Variants in DNAH11 observed in about 807,000 individuals in gnomAD.
DNAH11 encodes the protein dynein axonemal heavy chain 11, also known as axonemal beta dynein heavy chain 11.
In DNAH11, 442 loss-of-function variants were observed where a neutral mutation model predicts 526.0. The observed-to-expected ratio is 0.84, with a 90% CI of 0.78 to 0.91. The LOEUF is 0.91. DNAH11 is among the 40% of genes least tolerant of loss of function. The pLI, the probability that DNAH11 is intolerant of heterozygous loss-of-function variation, is 0.00. For missense variants in DNAH11, 6,989 were observed against 5,448.7 expected (o/e 1.28, Z -8.90); for synonymous variants, 2,461 against 1,935.9 (o/e 1.27, Z -7.12).
At chr7:21,754,572 C>G (rs188724459) in intron 54 of DNAH11, among the ~76,000 whole-genome samples, 4 of 151,654 alleles carry the variant, frequency 2.6e-5, no homozygotes, top group Admixed American at 6.6e-5. Context: ...TTTCCCCCCC[C>G]ACCCCATCAT....
chr7:21,732,654 A>T (rs903722372), intron 45 of DNAH11, among the ~76,000 whole-genome samples: 2 of 152,228 alleles, frequency 1.3e-5, no homozygotes, highest in Admixed American at 6.5e-5. Flanking sequence ...CAAACAAGGA[A>T]TTCAGAAGTC....
chr7:21,645,575 C>T (rs764631173), intron 28 of DNAH11, among the ~76,000 whole-genome samples: 4 of 151,772 alleles, frequency 2.6e-5, no homozygotes, highest in Non-Finnish European at 4.4e-5. Context: ...GAACTCAGGC[C>T]CCATTAAGGA....
chr7:21,770,552 A>G (rs1011883822), intron 55 of DNAH11, among the ~76,000 whole-genome samples: 1 of 152,170 alleles, frequency 6.6e-6, no homozygotes, highest in Non-Finnish European at 1.5e-5. Flanking sequence ...CAGCCTCATG[A>G]GGAGGGACCA....
At chr7:21,736,404 C>T (rs369278299) in intron 46 of DNAH11, among the ~76,000 whole-genome samples, 86 of 152,098 alleles carry the variant, frequency 5.7e-4, no homozygotes, top group Non-Finnish European at 2.6e-4. Flanking sequence ...AGGAAATCAC[C>T]GAAAGAGCTG....
chr7:21,660,520 TTTG>T (rs1427053889), intron 30 of DNAH11, among the ~76,000 whole-genome samples: 4 of 151,800 alleles, frequency 2.6e-5, no homozygotes, highest in African/African-American at 7.3e-5. Context: ...TTTTTATTTC[TTTG>T]TTATTTTTTG....
intron 1 of DNAH11, 81 bp downstream of exon 1, chr7:21,543,677 C>T (rs1782679010): frequency 1.4e-6 from 2 of 1,446,876 alleles, no homozygotes; most frequent in Admixed American, 2.5e-5. Context: ...CCTTTGGATT[C>T]CCGCGGGGCG....
At chr7:21,725,134 C>T (rs1785047245) in intron 44 of DNAH11, among the ~76,000 whole-genome samples, 1 of 152,316 alleles carries the variant, frequency 6.6e-6, no homozygotes, top group African/African-American at 2.4e-5. Context: ...GAGCCTGTTC[C>T]TTGCCAATAT....
At chr7:21,758,880 A>G (rs189087273) in intron 54 of DNAH11, among the ~76,000 whole-genome samples, 3 of 152,292 alleles carry the variant, frequency 2.0e-5, no homozygotes, top group Admixed American at 2.0e-4. Flanking sequence ...GCAATGGTGC[A>G]TGTGTGTAGA....
rs554029449 is a variant in DNAH11 at position 21,668,427 on chromosome 7, G to C, written c.5328+9396G>C. Reference sequence around the variant, plus strand: ...TCCAGAATGTTTCTCTTGTAACACAGCTCATTGCATGTGCTAGCCCTCTTT... The same window carrying C: ...TCCAGAATGTTTCTCTTGTAACACACCTCATTGCATGTGCTAGCCCTCTTT... On this transcript the variant is annotated intron_variant, in intron 30 of 81. Coordinates refer to ENST00000409508, the MANE Select transcript of DNAH11 (RefSeq NM_001277115.2). 3.9e-5 allele frequency among the ~76,000 whole-genome samples: 6 copies of C among 152,218 alleles called. No homozygotes were observed. In the South Asian group the frequency reaches 1.2e-3, roughly 32 times the overall value.
At chr7:21,838,706 G>C (rs1247798908) in intron 65 of DNAH11, among the ~76,000 whole-genome samples, 1 of 142,906 alleles carries the variant, frequency 7.0e-6, no homozygotes, top group Admixed American at 7.3e-5. Flanking sequence ...TCATTGTTTG[G>C]ATTTTTAAAC....
chr7:21,763,819 T>C (rs545503907), intron 54 of DNAH11, among the ~76,000 whole-genome samples: 14 of 148,006 alleles, frequency 9.5e-5, no homozygotes, highest in South Asian at 6.4e-4. Flanking sequence ...TATACATATA[T>C]ATACATATAT....
chr7:21,847,332 T>A (rs1782456834), intron 66 of DNAH11, among the ~76,000 whole-genome samples: 1 of 152,210 alleles, frequency 6.6e-6, no homozygotes, highest in African/African-American at 2.4e-5. Context: ...TGCTATAAAT[T>A]TCCCTTTAAC....
At chr7:21,647,575 G>T (rs989238674) in intron 28 of DNAH11, among the ~76,000 whole-genome samples, 1 of 151,724 alleles carries the variant, frequency 6.6e-6, no homozygotes, top group African/African-American at 2.4e-5. Flanking sequence ...GACTACAGGC[G>T]CCTACCACCA....
chr7:21,611,991 A>G lies in DNAH11; in HGVS notation c.3853-3123A>G, dbSNP rs141989606. Among the ~76,000 whole-genome samples, 38 of 152,320 alleles carry G rather than the reference A, an allele frequency of 2.5e-4. 1 individual carries two copies. In the East Asian group the frequency reaches 7.3e-3, roughly 29 times the overall value. On this transcript the variant is annotated intron_variant, in intron 20 of 81. Coordinates refer to ENST00000409508, the MANE Select transcript of DNAH11 (RefSeq NM_001277115.2). ...AACTCTATGGACAAACCTCTGGTGA[A>G]ATCATCAAGGGAAAAACAGAAAAAC...
intron 31 of DNAH11, 129 bp from the exon 32 acceptor site, chr7:21,683,655 C>T: frequency 1.0e-6 from 1 of 962,412 alleles, no homozygotes; most frequent in Non-Finnish European, 1.5e-6. Flanking sequence ...TTATAATTTG[C>T]AATAGCGTGC....
intron 65 of DNAH11, among the ~76,000 whole-genome samples, chr7:21,831,935 T>TA (rs1386390279): frequency 1.3e-5 from 2 of 151,130 alleles, no homozygotes; most frequent in African/African-American, 4.9e-5. Flanking sequence ...ACTAAAAATA[T>TA]AAAAATTAGC....
At chr7:21,654,730 ACTT>A (rs1466357746) in intron 28 of DNAH11, among the ~76,000 whole-genome samples, 3 of 152,046 alleles carry the variant, frequency 2.0e-5, no homozygotes, top group South Asian at 2.1e-4. Context: ...CATTTCTGAT[ACTT>A]CTTCTGGGCC....
Position 21,681,670 on chromosome 7 carries a change from C to G in DNAH11, c.5453C>G (p.Ser1818Cys), listed in dbSNP as rs1783144007. 1.2e-6 allele frequency: 2 copies of G among 1,613,772 alleles called. No individual in the cohort carries two copies. Among genetic ancestry groups the G allele is most frequent in the South Asian group, 1.1e-5 (1 of 91,086 alleles). The change falls in exon 31 of 82, where the codon TCT (serine) becomes TGT (cysteine). Residue 1818 changes from serine to cysteine, a missense_variant. Transcript: ENST00000409508. ...HARDVVAKLI[S>C]QKVVSPQAFT... ...AGAGACGTGGTGGCAAAACTTATTT[C>G]TCAGAAGGCAAGTTGTTTGTAGAAA...
chr7:21,852,420 A>AAAT (rs1782677473), intron 66 of DNAH11, 47 bp from the exon 67 acceptor site: 1 of 1,551,546 alleles, frequency 6.4e-7, no homozygotes, highest in Non-Finnish European at 8.7e-7. Flanking sequence ...AAAAAAAAAA[A>AAAT]AAAGTACTTA....
Sources: gnomAD v4.1 joint callset for allele counts (sites outside exome capture counted in the v4.1 genomes callset) on GRCh38, gnomAD v4.1.1 for gene constraint, MANE v1.5 for transcripts, NCBI Gene and HGNC (gene_info 2026-07-23, HGNC 2026-07-21) for gene names.